GABRG3: variants seen among roughly 807,000 people sequenced by gnomAD.
GABRG3 encodes the protein gamma-aminobutyric acid receptor subunit gamma-3.
A neutral mutation model predicts 48.8 loss-of-function variants in GABRG3; 25 were observed. That is an observed-to-expected ratio of 0.51 (90% CI 0.37 to 0.72). The LOEUF (loss-of-function observed/expected upper bound fraction) is 0.72, where lower values mean the gene tolerates loss of function less well. GABRG3 is among the 30% of genes least tolerant of loss of function. GABRG3 has a pLI of 0.00. For missense variants in GABRG3, 394 were observed against 577.9 expected (o/e 0.68, Z 3.26); for synonymous variants, 227 against 217.6 (o/e 1.04, Z -0.38).
At chr15:27,036,404 A>C (rs545414387) in intron 3 of GABRG3, among the ~76,000 whole-genome samples, 1 of 152,318 alleles carries the variant, frequency 6.6e-6, no homozygotes, top group Non-Finnish European at 1.5e-5. Context: ...TTTCACTTTC[A>C]GATGCCGGCC....
intron 3 of GABRG3, among the ~76,000 whole-genome samples, chr15:27,046,758 T>C (rs1408843886): frequency 6.6e-6 from 1 of 152,208 alleles, no homozygotes; most frequent in African/African-American, 2.4e-5. Context: ...ACCTTTAAAA[T>C]GTCAGTCCAC....
At chr15:27,073,994 G>A (rs1397845254) in intron 3 of GABRG3, among the ~76,000 whole-genome samples, 7 of 152,194 alleles carry the variant, frequency 4.6e-5, no homozygotes, top group Non-Finnish European at 1.0e-4. Flanking sequence ...CGTGGCTGGG[G>A]AAGCCTCACA....
At chr15:27,200,573 G>C (rs1474512287) in intron 3 of GABRG3, among the ~76,000 whole-genome samples, 1 of 152,106 alleles carries the variant, frequency 6.6e-6, no homozygotes, top group East Asian at 1.9e-4. Context: ...TCATTTTCTG[G>C]CACAGGCAAA....
chr15:27,377,119 C>T (rs1235274615), intron 5 of GABRG3, among the ~76,000 whole-genome samples: 3 of 152,214 alleles, frequency 2.0e-5, no homozygotes, highest in South Asian at 4.1e-4. Context: ...TTTGCTAAAA[C>T]ATAACAGGAG....
At chr15:27,448,750 A>G (rs989895124) in intron 5 of GABRG3, among the ~76,000 whole-genome samples, 3 of 152,242 alleles carry the variant, frequency 2.0e-5, no homozygotes, top group African/African-American at 7.2e-5. Context: ...ACATAACTAC[A>G]GAAAGTATTT....
intron 3 of GABRG3, among the ~76,000 whole-genome samples, chr15:27,272,938 G>C (rs1488088379): frequency 1.3e-5 from 2 of 152,210 alleles, no homozygotes; most frequent in Admixed American, 1.3e-4. Context: ...GGGTCATAGA[G>C]TAAATATTTG....
chr15:27,510,792 T>C (rs898075114), intron 6 of GABRG3, among the ~76,000 whole-genome samples: 26 of 152,362 alleles, frequency 1.7e-4, no homozygotes, highest in Admixed American at 8.5e-4. Context: ...TTACTTGTTC[T>C]AAAAACTATC....
At chr15:26,991,950 G>A (rs924615414) in intron 2 of GABRG3, among the ~76,000 whole-genome samples, 1 of 152,132 alleles carries the variant, frequency 6.6e-6, no homozygotes, top group Non-Finnish European at 1.5e-5. Flanking sequence ...TTGATCTCCT[G>A]ACCTCGTGAT....
At chr15:27,496,632 GTTTTA>G (rs1258150267) in intron 6 of GABRG3, among the ~76,000 whole-genome samples, 1 of 152,140 alleles carries the variant, frequency 6.6e-6, no homozygotes, top group Non-Finnish European at 1.5e-5. Flanking sequence ...AGGTTTATTA[GTTTTA>G]TTTAACTTAG....
Position 27,540,787 on chromosome 15 carries a change from G to A in GABRG3, c.*7906G>A, listed in dbSNP as rs1022054610. The A allele has an allele frequency of 1.3e-4, 20 of 152,184 alleles. No homozygotes were observed. Among genetic ancestry groups the A allele is most frequent in the African/African-American group, 4.1e-4 (17 of 41,436 alleles). The allele number at this position is 152,184 out of a possible 1,614,324, so 9.4% of individuals were successfully genotyped here. On this transcript the variant is annotated 3_prime_UTR_variant, in exon 10 of 10. Transcript: ENST00000615808. ...TTATTTTCAGGGATCAGACCTATGTGTTGTTAGGAGCAAGAGGCCATCTTG... is the reference window on the plus strand; with the variant it reads ...TTATTTTCAGGGATCAGACCTATGTATTGTTAGGAGCAAGAGGCCATCTTG...
intron 2 of GABRG3, among the ~76,000 whole-genome samples, chr15:26,989,607 A>G (rs1465011744): frequency 4.0e-5 from 6 of 151,604 alleles, no homozygotes; most frequent in African/African-American, 1.4e-4. Flanking sequence ...CATTGCCTCA[A>G]GTGTTTTTTT....
chr15:26,971,565 C>G lies in GABRG3; in HGVS notation c.30C>G (p.Cys10Trp), dbSNP rs1343645169. The G allele has an allele frequency of 6.5e-7, 1 of 1,531,618 alleles. No individual in the cohort carries two copies. Among genetic ancestry groups the G allele is most frequent in the Non-Finnish European group, 8.8e-7 (1 of 1,139,786 alleles). 94.9% of individuals were successfully genotyped at this position (1,531,618 alleles called of 1,614,324 possible). A position where few individuals can be genotyped will look rare whatever the true frequency, so the allele number is the denominator to read the frequency against. Residue 10 changes from cysteine (C) to tryptophan (W), a missense_variant, in exon 1 of 10, where the codon TGC becomes TGG. Cys to Trp is a radical substitution (Grantham distance 215). Around this residue, in one of 3 missense-constraint regions of GABRG3, gnomAD observed 218 missense variants for 309.9 expected, o/e 0.70. Coordinates refer to ENST00000615808, the MANE Select transcript of GABRG3 (RefSeq NM_033223.5). The stretch of plus-strand genomic sequence containing the variant: ...CCCCGAAGCTGCTGCTCCTCCTCTG[C>G]CTGTTCTCGGGCTTGCACGCGCGGT... MAPKLLLLL[C>W]LFSGLHARSR...
At chr15:27,054,113 C>T (rs1896500459) in intron 3 of GABRG3, among the ~76,000 whole-genome samples, 1 of 152,114 alleles carries the variant, frequency 6.6e-6, no homozygotes, top group Admixed American at 6.5e-5. Flanking sequence ...ATAGCACGCA[C>T]CTGTAATCCC....
At chr15:27,221,566 G>A (rs578022048) in intron 3 of GABRG3, among the ~76,000 whole-genome samples, 77 of 152,148 alleles carry the variant, frequency 5.1e-4, no homozygotes, top group African/African-American at 1.8e-3. Context: ...AGAGAGACCC[G>A]GAGAGTCCCT....
intron 3 of GABRG3, among the ~76,000 whole-genome samples, chr15:27,027,379 G>T (rs1469471158): frequency 1.3e-5 from 2 of 152,158 alleles, no homozygotes; most frequent in African/African-American, 2.4e-5. Context: ...GGACTACCTA[G>T]GATCCCCAAG....
intron 5 of GABRG3, among the ~76,000 whole-genome samples, chr15:27,355,710 G>C (rs1010702131): frequency 6.6e-6 from 1 of 152,164 alleles, no homozygotes; most frequent in Non-Finnish European, 1.5e-5. Flanking sequence ...ACAAAAAGTG[G>C]GGGGAAACCC....
chr15:27,283,945 A>C lies in GABRG3; in HGVS notation c.271-42864A>C, dbSNP rs75690772. On this transcript the variant is annotated intron_variant, in intron 3 of 9. Transcript: ENST00000615808. ...ATCTTCTCCAGAATTAAAAGTTCTC[A>C]GTCTCTTTTCTAAGAGAGGAAAACT... Among the ~76,000 whole-genome samples the C allele has an allele frequency of 1.2e-3, 177 of 152,342 alleles. 4 individuals are homozygous for C. In the East Asian group the frequency reaches 0.029, roughly 25 times the overall value.
At chr15:27,329,262 T>TTTTA (rs1055433093) in intron 5 of GABRG3, among the ~76,000 whole-genome samples, 6 of 152,174 alleles carry the variant, frequency 3.9e-5, no homozygotes, top group African/African-American at 9.7e-5. Flanking sequence ...TATTTTTAAT[T>TTTTA]TTTATTTATT....
chr15:27,113,038 G>A (rs1897580979), intron 3 of GABRG3, among the ~76,000 whole-genome samples: 2 of 152,028 alleles, frequency 1.3e-5, no homozygotes, highest in South Asian at 4.2e-4. Flanking sequence ...ATGACTTCTG[G>A]AGGGAATCAT....
Sources: allele counts gnomAD v4.1 joint callset (sites outside exome capture counted in the v4.1 genomes callset), GRCh38; gene constraint gnomAD v4.1.1; regional missense constraint gnomAD v4.1.1; transcripts MANE v1.5; gene names NCBI Gene and HGNC (gene_info 2026-07-23, HGNC 2026-07-21).